PSMA3: variants seen among roughly 807,000 people sequenced by gnomAD.
The protein encoded by PSMA3 is proteasome 20S subunit alpha 3, also known as proteasome subunit alpha type-3.
PSMA3 carries 8 observed loss-of-function variants against 40.0 expected under a neutral mutation model. The observed-to-expected ratio is 0.20, with a 90% CI of 0.12 to 0.36. The LOEUF (loss-of-function observed/expected upper bound fraction) is 0.36, where lower values mean the gene tolerates loss of function less well. PSMA3 is among the 10% of genes least tolerant of loss of function. PSMA3 has a pLI of 1.00. For missense variants in PSMA3, 219 were observed against 310.6 expected, an observed-to-expected ratio of 0.70 and a Z score of 2.22; for synonymous variants, 110 against 100.0, an observed-to-expected ratio of 1.10 and a Z score of -0.59.
intron 2 of PSMA3, among the ~76,000 whole-genome samples, chr14:58,249,665 C>T (rs573874442): frequency 7.2e-5 from 11 of 152,044 alleles, no homozygotes; most frequent in Non-Finnish European, 1.0e-4. Flanking sequence ...AGGCATGTGC[C>T]ACCACGCCTG....
chr14:58,262,924 T>C (rs1459419903), intron 6 of PSMA3, among the ~76,000 whole-genome samples: 1 of 152,006 alleles, frequency 6.6e-6, no homozygotes. Flanking sequence ...TTTTTACTAA[T>C]TGAAGAAAAT....
intron 3 of PSMA3, among the ~76,000 whole-genome samples, chr14:58,255,750 C>A (rs1566639735): frequency 6.6e-6 from 1 of 152,148 alleles, no homozygotes; most frequent in East Asian, 1.9e-4. Flanking sequence ...GCCTGGGCAA[C>A]AAGAGCAAAA....
intron 8 of PSMA3, among the ~76,000 whole-genome samples, chr14:58,269,277 T>G (rs1405964997): frequency 6.6e-6 from 1 of 152,096 alleles, no homozygotes; most frequent in African/African-American, 2.4e-5. Context: ...TGACAGTGCC[T>G]CCTTCTTTGC....
chr14:58,271,318 A>T (rs1195719173), intron 10 of PSMA3, among the ~76,000 whole-genome samples: 8 of 143,186 alleles, frequency 5.6e-5, no homozygotes, highest in Non-Finnish European at 1.2e-4. Flanking sequence ...AATACTTTAA[A>T]TATTTGTTCT....
chr14:58,255,175 A>G (rs996181840), intron 3 of PSMA3, among the ~76,000 whole-genome samples: 1 of 107,518 alleles, frequency 9.3e-6, no homozygotes, highest in African/African-American at 3.7e-5. Flanking sequence ...CATCCTAAAA[A>G]CTTAGTAGCC....
intron 3 of PSMA3, among the ~76,000 whole-genome samples, chr14:58,255,463 C>G: frequency 6.6e-6 from 1 of 152,218 alleles, no homozygotes; most frequent in East Asian, 1.9e-4. Context: ...ACATTTTTCT[C>G]CAAACTTAGA....
chr14:58,257,092 ACT>A (rs1275179484), intron 3 of PSMA3, among the ~76,000 whole-genome samples: 8 of 123,124 alleles, frequency 6.5e-5, no homozygotes, highest in East Asian at 2.2e-4. Context: ...ACACAGTGAG[ACT>A]CTGTCTCAAA....
intron 8 of PSMA3, chr14:58,269,544 T>C (rs1408284355): frequency 6.6e-6 from 1 of 152,038 alleles, no homozygotes; most frequent in Non-Finnish European, 1.5e-5. Flanking sequence ...GCAAGTCTCC[T>C]GCCTCAGTTT....
At chr14:58,265,449 C>G (rs971790266) in intron 7 of PSMA3, 1 of 152,134 alleles carries the variant, frequency 6.6e-6, no homozygotes, top group Non-Finnish European at 1.5e-5. Flanking sequence ...CAAATTATGG[C>G]CCACTGCCTG....
In PSMA3 at chr14:58,269,888, A is replaced by G. The variant is rs151122829; in HGVS notation, c.591-530A>G. ...CTGAGATGGAGTCTCGCTCTACTGT[A>G]GCCCAGGATGGAGTGCAGTAGTGTG... On this transcript the variant is annotated intron_variant, in intron 8 of 10. Coordinates refer to ENST00000216455, the MANE Select transcript of PSMA3 (RefSeq NM_002788.4). 7.3e-3 allele frequency: 1,078 copies of G among 148,414 alleles called. 9 individuals carry two copies. The highest frequency in any genetic ancestry group is 0.011 in the Non-Finnish European group (725 of 67,056). The allele number at this position is 148,414 out of a possible 1,614,324, so 9.2% of individuals were successfully genotyped here.
At position 58,260,961 on chromosome 14, in the gene PSMA3, T is replaced by A; in HGVS notation, c.418T>A (p.Ser140Thr). 1 of 1,612,144 alleles carries A rather than the reference T, an allele frequency of 6.2e-7. No homozygotes were observed. The stretch of plus-strand genomic sequence containing the variant: ...ACTTTCATGCAGTTTCATGTTAGGG[T>A]CTTACAGTGTGAATGACGGTGCGCA... Reference protein sequence around the residue: ...RPFGCSFMLGSYSVNDGAQLY... With the variant: ...RPFGCSFMLGTYSVNDGAQLY... Residue 140 changes from serine to threonine, a missense_variant, in exon 6 of 11, where the codon TCT becomes ACT. Coordinates refer to ENST00000216455, the MANE Select transcript of PSMA3 (RefSeq NM_002788.4).
chr14:58,253,422 C>T (rs1208538073), intron 3 of PSMA3, among the ~76,000 whole-genome samples: 1 of 152,186 alleles, frequency 6.6e-6, no homozygotes, highest in Non-Finnish European at 1.5e-5. Context: ...CATCGTTCAG[C>T]TGATAGCTTT....
In PSMA3 at chr14:58,247,778, C is replaced by T. The variant is rs1188223543; in HGVS notation, c.50C>T (p.Pro17Leu). 6.2e-7 allele frequency: 1 copy of T among 1,608,956 alleles called. No homozygotes were observed. The highest frequency in any genetic ancestry group is 8.5e-7 in the Non-Finnish European group (1 of 1,175,832). Residue 17 changes from proline (P) to leucine (L), a missense_variant, in exon 2 of 11, where the codon CCT becomes CTT. Pro to Leu is a moderately conservative substitution (Grantham distance 98). Coordinates refer to ENST00000216455, the MANE Select transcript of PSMA3 (RefSeq NM_002788.4). ...GYDLSASTFS[P>L]DGRVFQVEYA... ...GACCTGTCAGCCTCTACATTCTCTC[C>T]TGACGGAAGAGTTTTTCAAGTTGAA... is the stretch of plus-strand genomic sequence containing the variant.
At chr14:58,257,613 A>C in intron 3 of PSMA3, 132 bp from the exon 4 acceptor site, 1 of 673,820 alleles carries the variant, frequency 1.5e-6, no homozygotes, top group Non-Finnish European at 2.5e-6. Context: ...TTGTAGAGAG[A>C]CCTTTAAGCC....
At chr14:58,268,027 C>A (rs1284969428) in intron 8 of PSMA3, 1 of 152,260 alleles carries the variant, frequency 6.6e-6, no homozygotes, top group East Asian at 1.9e-4. Flanking sequence ...CAAAACATTT[C>A]AACAACCAGC....
At chr14:58,260,823 ACT>A in intron 5 of PSMA3, 123 bp from the exon 6 acceptor site, 2 of 564,890 alleles carry the variant, frequency 3.5e-6, no homozygotes, top group Non-Finnish European at 6.2e-6. Context: ...CAAAGTACTT[ACT>A]GAGTTATATG....
chr14:58,268,098 AG>A (rs1450067615), intron 8 of PSMA3: 1 of 152,224 alleles, frequency 6.6e-6, no homozygotes, highest in Admixed American at 6.5e-5. Context: ...AATATGTAAC[AG>A]GTATTTGGAC....
At chr14:58,247,929 T>C in intron 2 of PSMA3, 97 bp downstream of exon 2, 1 of 729,950 alleles carries the variant, frequency 1.4e-6, no homozygotes, top group Non-Finnish European at 2.2e-6. Context: ...AATTAGTATA[T>C]GTCCCCAAAT....
intron 1 of PSMA3, 28 bp from the exon 2 acceptor site, chr14:58,247,722 A>G: frequency 6.9e-7 from 1 of 1,459,406 alleles, no homozygotes; most frequent in Non-Finnish European, 9.5e-7. Context: ...CAAAGATACA[A>G]GCTTACTGTT....
Sources: gnomAD v4.1 joint callset for allele counts (sites outside exome capture counted in the v4.1 genomes callset) on GRCh38, gnomAD v4.1.1 for gene constraint, MANE v1.5 for transcripts, NCBI Gene and HGNC (gene_info 2026-07-23, HGNC 2026-07-21) for gene names.